The following GALNT18 variants were observed in gnomAD, a reference collection of about 807,000 sequenced individuals.
GALNT18 encodes GalNAc-transferase 18.
GALNT18 carries 44 observed loss-of-function variants against 69.5 expected under a neutral mutation model. That is an observed-to-expected ratio of 0.63 (90% CI 0.50 to 0.81). The LOEUF (loss-of-function observed/expected upper bound fraction) is 0.81. Among genes scored for constraint, GALNT18 ranks in the 40% least tolerant of loss-of-function variants. The probability of loss-of-function intolerance (pLI) is 0.00; values close to 1 mark genes in which losing one functional copy is unlikely to be tolerated. For synonymous variants in GALNT18, 364 were observed against 318.2 expected (o/e 1.14, Z -1.53); for missense variants, 715 against 810.0 (o/e 0.88, Z 1.42).
At chr11:11,466,605 C>G (rs531022070) in intron 1 of GALNT18, among the ~76,000 whole-genome samples, 5 of 152,192 alleles carry the variant, frequency 3.3e-5, no homozygotes, top group Non-Finnish European at 7.3e-5. Flanking sequence ...AGCTCTAATT[C>G]AGTCTGTTTA....
At chr11:11,367,051 TC>T (rs900606416) in intron 6 of GALNT18, among the ~76,000 whole-genome samples, 49 of 152,300 alleles carry the variant, frequency 3.2e-4, no homozygotes, top group African/African-American at 1.1e-3. Flanking sequence ...TCCTTGGTGC[TC>T]CCAAGGTCCA....
At chr11:11,528,321 A>T (rs887509967) in intron 1 of GALNT18, among the ~76,000 whole-genome samples, 5 of 152,332 alleles carry the variant, frequency 3.3e-5, no homozygotes, top group African/African-American at 9.6e-5. Context: ...ACTAAGGCCA[A>T]ATTTTGACGG....
chr11:11,285,164 G>A (rs1418351986), intron 10 of GALNT18, among the ~76,000 whole-genome samples: 1 of 152,024 alleles, frequency 6.6e-6, no homozygotes, highest in Non-Finnish European at 1.5e-5. Flanking sequence ...GGAGGCCCCA[G>A]CCCCAAACTC....
intron 1 of GALNT18, among the ~76,000 whole-genome samples, chr11:11,549,039 A>G (rs1427858060): frequency 6.6e-6 from 1 of 152,232 alleles, no homozygotes; most frequent in Non-Finnish European, 1.5e-5. Context: ...CTATGTAACT[A>G]CAGTATGGAC....
At chr11:11,456,288 G>A (rs1157092553) in intron 1 of GALNT18, among the ~76,000 whole-genome samples, 11 of 152,174 alleles carry the variant, frequency 7.2e-5, no homozygotes. Context: ...GACATTAAGG[G>A]GCTTATTGCT....
At chr11:11,405,444 G>A (rs1854568536) in intron 3 of GALNT18, among the ~76,000 whole-genome samples, 1 of 152,196 alleles carries the variant, frequency 6.6e-6, no homozygotes, top group South Asian at 2.1e-4. Context: ...TGAGATGGAG[G>A]TGGAAGGGTG....
intron 1 of GALNT18, among the ~76,000 whole-genome samples, chr11:11,539,609 G>C (rs972705000): frequency 6.6e-6 from 1 of 152,160 alleles, no homozygotes; most frequent in Non-Finnish European, 1.5e-5. Flanking sequence ...TCATGATGTT[G>C]AATTGCTGGG....
At chr11:11,427,389 G>T (rs1275306558) in intron 3 of GALNT18, among the ~76,000 whole-genome samples, 2 of 152,184 alleles carry the variant, frequency 1.3e-5, no homozygotes, top group Non-Finnish European at 2.9e-5. Flanking sequence ...CCAAAGCAAA[G>T]GTGTGGCCAA....
rs754524095 is a variant in GALNT18, at chr11:11,439,312, G to A, written c.429-6525C>T. Among the ~76,000 whole-genome samples, 12 of 152,318 alleles carry A rather than the reference G, an allele frequency of 7.9e-5. No individual in the cohort carries two copies. The highest frequency in any genetic ancestry group is 3.3e-4 in the Admixed American group (5 of 15,304). ...AGCTGTCCAGGATGTCTTGAACCAC[G>A]CTGCCTCCTCCAGAGCCTGCCTGTG... On this transcript the variant is annotated intron_variant, in intron 2 of 10. Transcript: ENST00000227756. This position sits in a 1 kb window ranked among gnomAD's most constrained non-coding sequence, Gnocchi z 4.4.
At chr11:11,395,750 G>A (rs1028939189) in intron 3 of GALNT18, among the ~76,000 whole-genome samples, 1 of 152,212 alleles carries the variant, frequency 6.6e-6, no homozygotes, top group Non-Finnish European at 1.5e-5. Flanking sequence ...ACAGAAACAA[G>A]CAGCAGAGCC....
intron 7 of GALNT18, among the ~76,000 whole-genome samples, chr11:11,333,900 G>C (rs552656989): frequency 3.0e-4 from 46 of 152,220 alleles, no homozygotes; most frequent in Admixed American, 2.0e-3. Context: ...CAAAAGCAGA[G>C]GCTGCCGAGG....
intron 1 of GALNT18, among the ~76,000 whole-genome samples, chr11:11,534,243 G>A (rs192449620): frequency 5.3e-5 from 8 of 152,222 alleles, no homozygotes; most frequent in South Asian, 2.1e-4. Flanking sequence ...GACTCCTATC[G>A]CCAACCTGAT....
chr11:11,562,567 C>A lies in GALNT18; in HGVS notation c.235+58792G>T, dbSNP rs762249712. On this transcript the variant is annotated intron_variant, in intron 1 of 10. Transcript: ENST00000227756. This position sits in a 1 kb window ranked among gnomAD's most constrained non-coding sequence, Gnocchi z 4.1. ...GCTTCAGGAGTTGTCCTAGCAACAC[C>A]CACCACCATCACCATCAAACCTGCC... Among the ~76,000 whole-genome samples, 1 of 152,138 alleles carries A rather than the reference C, an allele frequency of 6.6e-6. No homozygotes were observed. Among genetic ancestry groups the A allele is most frequent in the Non-Finnish European group, 1.5e-5 (1 of 68,026 alleles).
chr11:11,478,766 G>T (rs765397667), intron 1 of GALNT18, among the ~76,000 whole-genome samples: 1 of 151,882 alleles, frequency 6.6e-6, no homozygotes, highest in East Asian at 1.9e-4. Context: ...GAGTTGAAGC[G>T]AGCAGAGCAG....
intron 3 of GALNT18, among the ~76,000 whole-genome samples, chr11:11,408,491 G>T (rs1010286205): frequency 6.6e-6 from 1 of 152,082 alleles, no homozygotes; most frequent in African/African-American, 2.4e-5. Context: ...AAGGTGAGTC[G>T]GGCAGAGGAG....
At chr11:11,552,073 G>T (rs1858210115) in intron 1 of GALNT18, among the ~76,000 whole-genome samples, 1 of 152,198 alleles carries the variant, frequency 6.6e-6, no homozygotes, top group African/African-American at 2.4e-5. Flanking sequence ...TATACGTGAG[G>T]TCATAGAGGA....
intron 1 of GALNT18, among the ~76,000 whole-genome samples, chr11:11,520,254 T>C (rs1195921132): frequency 6.6e-6 from 1 of 152,186 alleles, no homozygotes; most frequent in African/African-American, 2.4e-5. Flanking sequence ...TTTTCTCCAT[T>C]TTAAAGATGG....
Position 11,587,095 on chromosome 11 carries a change from C to T in GALNT18, c.235+34264G>A, listed in dbSNP as rs540652781. 6.6e-6 allele frequency among the ~76,000 whole-genome samples: 1 copy of T among 152,170 alleles called. No individual in the cohort carries two copies. Among genetic ancestry groups the T allele is most frequent in the African/African-American group, 2.4e-5 (1 of 41,420 alleles). On this transcript the variant is annotated intron_variant, in intron 1 of 10. Transcript: ENST00000227756. This position sits in a 1 kb window ranked among gnomAD's most constrained non-coding sequence, Gnocchi z 4.4. ...TGCTTCCAGCACCCATTATCCTGAC[C>T]CCTCCCCCAGTATCCAAACCTTCCC... is the stretch of plus-strand genomic sequence containing the variant.
intron 5 of GALNT18, among the ~76,000 whole-genome samples, chr11:11,376,265 C>T (rs1043687009): frequency 2.6e-5 from 4 of 152,124 alleles, no homozygotes; most frequent in African/African-American, 9.7e-5. Flanking sequence ...GCCTGTTATC[C>T]CACCTACTTG....
Sources: allele counts gnomAD v4.1 joint callset (sites outside exome capture counted in the v4.1 genomes callset), GRCh38; gene constraint gnomAD v4.1.1; non-coding constraint Gnocchi (gnomAD v3.1); transcripts MANE v1.5; gene names NCBI Gene and HGNC (gene_info 2026-07-23, HGNC 2026-07-21).